Variants in SYT1 observed in about 807,000 individuals in gnomAD.
SYT1 encodes the protein synaptotagmin-1.
Under a neutral mutation model 44.8 loss-of-function variants are expected in SYT1, and 8 were observed. The observed-to-expected ratio is 0.18, with a 90% CI of 0.10 to 0.32. The LOEUF (loss-of-function observed/expected upper bound fraction) is 0.32. SYT1 is among the 10% of genes least tolerant of loss of function. SYT1 has a pLI of 1.00. For synonymous variants in SYT1, 154 were observed against 188.8 expected (o/e 0.82, Z 1.51); for missense variants, 286 against 509.3 (o/e 0.56, Z 4.22).
At chr12:79,338,915 A>G (rs562392762) in intron 8 of SYT1, among the ~76,000 whole-genome samples, 255 of 151,716 alleles carry the variant, frequency 1.7e-3, no homozygotes, top group Non-Finnish European at 3.0e-3. Context: ...GAGAACATGC[A>G]GTGTTTGTTT....
chr12:79,331,554 T>C (rs1881855238), intron 8 of SYT1, among the ~76,000 whole-genome samples: 1 of 152,196 alleles, frequency 6.6e-6, no homozygotes, highest in African/African-American at 2.4e-5. Context: ...TTTTCTTCTT[T>C]TATTTTGCCA....
chr12:79,289,318 G>T (rs1879458805), intron 5 of SYT1, among the ~76,000 whole-genome samples: 1 of 152,074 alleles, frequency 6.6e-6, no homozygotes, highest in South Asian at 2.1e-4. Context: ...TCCGAATTTT[G>T]TTCTATGAAG....
intron 9 of SYT1, among the ~76,000 whole-genome samples, chr12:79,395,787 A>G (rs1436640958): frequency 6.8e-6 from 1 of 148,126 alleles, no homozygotes; most frequent in African/African-American, 2.4e-5. Context: ...AAAGGGGGAA[A>G]AGAATATAGA....
chr12:79,087,802 G>C (rs907348713), intron 3 of SYT1, among the ~76,000 whole-genome samples: 1 of 152,114 alleles, frequency 6.6e-6, no homozygotes, highest in Non-Finnish European at 1.5e-5. Context: ...TATTCCAAGT[G>C]AAAGTAATTG....
At chr12:79,300,789 T>TTTCATATATA (rs1490670835) in intron 8 of SYT1, among the ~76,000 whole-genome samples, 1 of 89,624 alleles carries the variant, frequency 1.1e-5, no homozygotes, top group African/African-American at 4.1e-5. Flanking sequence ...TGTATACTTA[T>TTTCATATATA]TATATATATA....
intron 9 of SYT1, among the ~76,000 whole-genome samples, chr12:79,384,361 C>CAT (rs1223110341): frequency 6.6e-6 from 1 of 152,054 alleles, no homozygotes; most frequent in Non-Finnish European, 1.5e-5. Flanking sequence ...AAGAATCTTT[C>CAT]ATATATATAA....
At chr12:79,060,050 A>G (rs1340593394) in intron 3 of SYT1, among the ~76,000 whole-genome samples, 1 of 152,084 alleles carries the variant, frequency 6.6e-6, no homozygotes, top group Non-Finnish European at 1.5e-5. Context: ...TTCTCTTTGC[A>G]TAAGAGAGTG....
chr12:78,944,806 A>AAC (rs142414991), intron 1 of SYT1, among the ~76,000 whole-genome samples: 6 of 151,568 alleles, frequency 4.0e-5, no homozygotes, highest in East Asian at 1.9e-4. Context: ...GATTTTAATC[A>AAC]ACACACACAC....
rs1869808253 is a variant in SYT1, at chr12:79,145,303, T to C, written c.-17-72200T>C. Among the ~76,000 whole-genome samples, 6 of 152,242 alleles carry C rather than the reference T, an allele frequency of 3.9e-5. No homozygotes were observed. In the South Asian group the frequency reaches 1.2e-3, roughly 32 times the overall value. ...GATTAAAAACATATTTTTCTAATTT[T>C]ATTTAGAATATTAACATTTTTAAAA... On this transcript the variant is annotated intron_variant, in intron 3 of 10. Coordinates refer to ENST00000261205, the MANE Select transcript of SYT1 (RefSeq NM_005639.3).
At chr12:78,917,833 A>G (rs552793692) in intron 1 of SYT1, among the ~76,000 whole-genome samples, 1 of 152,162 alleles carries the variant, frequency 6.6e-6, no homozygotes, top group African/African-American at 2.4e-5. Flanking sequence ...CCTAAAACAC[A>G]AAATTTGTTA....
intron 4 of SYT1, among the ~76,000 whole-genome samples, chr12:79,235,851 G>T (rs1876158543): frequency 6.6e-6 from 1 of 152,028 alleles, no homozygotes; most frequent in Non-Finnish European, 1.5e-5. Flanking sequence ...CTCTCTTCTA[G>T]ATTTGTTCAA....
chr12:79,081,914 A>G (rs1877062508), intron 3 of SYT1, among the ~76,000 whole-genome samples: 1 of 152,210 alleles, frequency 6.6e-6, no homozygotes, highest in African/African-American at 2.4e-5. Context: ...GTAAAGGAGT[A>G]TTTGTCACAA....
At chr12:79,140,943 A>G (rs2138214254) in intron 3 of SYT1, among the ~76,000 whole-genome samples, 1 of 152,326 alleles carries the variant, frequency 6.6e-6, no homozygotes, top group South Asian at 2.1e-4. Flanking sequence ...CGACATCTGA[A>G]TGAACTGGCA....
chr12:78,963,176 T>C (rs934233782), intron 1 of SYT1, among the ~76,000 whole-genome samples: 2 of 152,096 alleles, frequency 1.3e-5, no homozygotes, highest in Non-Finnish European at 2.9e-5. Context: ...CAATCGCATA[T>C]ATATATATAT....
chr12:79,081,842 C>T (rs780846887), intron 3 of SYT1, among the ~76,000 whole-genome samples: 1 of 152,164 alleles, frequency 6.6e-6, no homozygotes, highest in Non-Finnish European at 1.5e-5. Context: ...TACTTCTGCT[C>T]TGCTTTCCCC....
chr12:79,163,620 C>A (rs1592807646), intron 3 of SYT1, among the ~76,000 whole-genome samples: 1 of 152,088 alleles, frequency 6.6e-6, no homozygotes, highest in African/African-American at 2.4e-5. Flanking sequence ...AAAAGCCTGT[C>A]TACACTGAAA....
intron 1 of SYT1, among the ~76,000 whole-genome samples, chr12:78,959,262 C>T (rs541424849): frequency 6.6e-5 from 10 of 151,970 alleles, no homozygotes; most frequent in Non-Finnish European, 8.8e-5. Flanking sequence ...GAGGGAAACT[C>T]GGGAGATGTT....
At chr12:79,229,903 G>A (rs1219566838) in intron 4 of SYT1, among the ~76,000 whole-genome samples, 2 of 152,040 alleles carry the variant, frequency 1.3e-5, no homozygotes, top group African/African-American at 2.4e-5. Context: ...CCAAGCAGTA[G>A]TTCTTAATAG....
At chr12:79,205,209 G>A (rs1014866099) in intron 3 of SYT1, among the ~76,000 whole-genome samples, 2 of 152,056 alleles carry the variant, frequency 1.3e-5, no homozygotes, top group South Asian at 2.1e-4. Flanking sequence ...TGATCTGCCC[G>A]CCTCGGCCTC....
Sources: allele counts gnomAD v4.1 joint callset (sites outside exome capture counted in the v4.1 genomes callset), GRCh38; gene constraint gnomAD v4.1.1; transcripts MANE v1.5; gene names NCBI Gene and HGNC (gene_info 2026-07-23, HGNC 2026-07-21).